ARHGDIB: variants seen among roughly 807,000 people sequenced by gnomAD.
ARHGDIB encodes the protein rho GDP-dissociation inhibitor 2.
ARHGDIB carries 20 observed loss-of-function variants against 22.6 expected under a neutral mutation model. The ratio of observed to expected loss-of-function variants is 0.88; its 90% CI spans 0.62 to 1.28. The LOEUF is 1.28. Ranked by LOEUF, ARHGDIB falls within the 50% of genes most tolerant of loss-of-function variation. The pLI is 0.00. For synonymous variants in ARHGDIB, 114 were observed against 96.1 expected (o/e 1.19, Z -1.09); for missense variants, 254 against 245.4 (o/e 1.04, Z -0.23).
intron 4 of ARHGDIB, among the ~76,000 whole-genome samples, chr12:14,947,307 T>C (rs1219210460): frequency 6.6e-6 from 1 of 152,226 alleles, no homozygotes; most frequent in Non-Finnish European, 1.5e-5. Flanking sequence ...TCCTCTTTCC[T>C]GGTTACCTGT....
chr12:14,943,377 G>GTTTTTTTTTTTTTTTT (rs10713403), intron 5 of ARHGDIB, among the ~76,000 whole-genome samples: 9 of 143,886 alleles, frequency 6.3e-5, no homozygotes, highest in African/African-American at 2.3e-4. Flanking sequence ...GATTAAGCCT[G>GTTTTTTTTTTTTTTTT]TTTTTTTTTT....
intron 1 of ARHGDIB, 124 bp from the exon 2 acceptor site, chr12:14,950,848 G>T: frequency 2.9e-6 from 2 of 697,536 alleles, no homozygotes; most frequent in Non-Finnish European, 4.5e-6. Context: ...TTTCCTGATT[G>T]TTTTCCTAAT....
intron 5 of ARHGDIB, 79 bp downstream of exon 5, chr12:14,944,697 C>A: frequency 7.2e-7 from 1 of 1,393,454 alleles, no homozygotes; most frequent in Non-Finnish European, 1.0e-6. Context: ...GAGTCTATAG[C>A]TAAAAGTTGC....
At position 14,944,850 on chromosome 12, in the gene ARHGDIB, G is replaced by A; in HGVS notation, c.343-11C>T. The stretch of plus-strand genomic sequence containing the variant: ...AATATCCCTGTTCACCTGCAGGTGG[G>A]AAGGAACCAAGATGTTCAGATTAAG... On this transcript the variant is annotated splice_polypyrimidine_tract_variant and intron_variant, in intron 4 of 5. Coordinates refer to ENST00000228945, the MANE Select transcript of ARHGDIB (RefSeq NM_001175.7). 1 of 1,612,364 alleles carries A rather than the reference G, an allele frequency of 6.2e-7. No individual in the cohort carries two copies. The highest frequency in any genetic ancestry group is 8.5e-7 in the Non-Finnish European group (1 of 1,178,948).
At position 14,942,605 on chromosome 12, in the gene ARHGDIB, T is replaced by C. The variant is rs1863892540; in HGVS notation, c.523A>G (p.Lys175Glu). Residue 175 changes from lysine to glutamate, a missense_variant, in exon 6 of 6, where the codon AAG (lysine) becomes GAG (glutamate). Lys to Glu is a moderately conservative substitution (Grantham distance 56). Coordinates refer to ENST00000228945, the MANE Select transcript of ARHGDIB (RefSeq NM_001175.7). ...TTGTCATCGTCGGTGAAGAAGGACTTGTTGTGGTACGTGCCTCGCGCCAGC... is the reference window on the plus strand; with the variant it reads ...TTGTCATCGTCGGTGAAGAAGGACTCGTTGTGGTACGTGCCTCGCGCCAGC... ...GMLARGTYHN[K>E]SFFTDDDKQD... 6.2e-7 allele frequency: 1 copy of C among 1,614,066 alleles called. No homozygotes were observed. The highest frequency in any genetic ancestry group is 1.7e-5 in the Admixed American group (1 of 60,012).
In ARHGDIB at chr12:14,947,917, C is replaced by T; in HGVS notation, c.298G>A (p.Val100Met). Residue 100 changes from valine to methionine, a missense_variant, in exon 4 of 6, where the codon GTG (valine) becomes ATG (methionine). Coordinates refer to ENST00000228945, the MANE Select transcript of ARHGDIB (RefSeq NM_001175.7). Reference sequence around the variant, plus strand: ...CTATATTCAGAACCTTCCTTTAACACAATGGTTTCCTTTTTGAGGGCTTCC... The same window carrying T: ...CTATATTCAGAACCTTCCTTTAACATAATGGTTTCCTTTTTGAGGGCTTCC... Reference protein sequence around the residue: ...DLEALKKETIVLKEGSEYRVK... With the variant: ...DLEALKKETIMLKEGSEYRVK... 1 of 1,613,324 alleles carries T rather than the reference C, an allele frequency of 6.2e-7. No individual in the cohort carries two copies. Among genetic ancestry groups the T allele is most frequent in the Non-Finnish European group, 8.5e-7 (1 of 1,179,276 alleles).
At chr12:14,943,190 T>A (rs1045577407) in intron 5 of ARHGDIB, among the ~76,000 whole-genome samples, 4 of 152,132 alleles carry the variant, frequency 2.6e-5, no homozygotes, top group African/African-American at 9.7e-5. Flanking sequence ...TTTAAAAAAA[T>A]TATTCTTTAA....
chr12:14,944,516 TCTC>T (rs1481632285), intron 5 of ARHGDIB, among the ~76,000 whole-genome samples: 3 of 152,174 alleles, frequency 2.0e-5, no homozygotes, highest in African/African-American at 7.2e-5. Flanking sequence ...TGGTTACTCT[TCTC>T]CTTTACGAGT....
At chr12:14,959,559 A>T (rs543263653) in intron 1 of ARHGDIB, among the ~76,000 whole-genome samples, 1 of 152,200 alleles carries the variant, frequency 6.6e-6, no homozygotes, top group Admixed American at 6.5e-5. Flanking sequence ...TTCTATCTGC[A>T]TAATTTCGAC....
Position 14,944,441 on chromosome 12 carries a change from C to T in ARHGDIB, c.406+335G>A, listed in dbSNP as rs186842475. Reference sequence around the variant, plus strand: ...GACACTTGGGTTTTGTACCTGTGAACTGCCTTTTTTGGTTGTTTACTTTGT... The same window carrying T: ...GACACTTGGGTTTTGTACCTGTGAATTGCCTTTTTTGGTTGTTTACTTTGT... On this transcript the variant is annotated intron_variant, in intron 5 of 5. Coordinates refer to ENST00000228945, the MANE Select transcript of ARHGDIB (RefSeq NM_001175.7). Among the ~76,000 whole-genome samples the T allele has an allele frequency of 6.8e-4, 103 of 151,392 alleles. 1 individual carries two copies. The highest frequency in any genetic ancestry group is 2.2e-3 in the East Asian group (11 of 5,092).
chr12:14,960,975 G>A (rs1474652572), intron 1 of ARHGDIB, among the ~76,000 whole-genome samples: 1 of 152,172 alleles, frequency 6.6e-6, no homozygotes, highest in Non-Finnish European at 1.5e-5. Flanking sequence ...TCTAAGGGAG[G>A]ATTTCATTAT....
At chr12:14,954,010 ACT>A (rs1864244605) in intron 1 of ARHGDIB, among the ~76,000 whole-genome samples, 1 of 137,666 alleles carries the variant, frequency 7.3e-6, no homozygotes, top group South Asian at 2.2e-4. Context: ...GCATAGTTTT[ACT>A]CTGTCACCCA....
chr12:14,952,277 C>CAAAAAAAA (rs3084566), intron 1 of ARHGDIB, among the ~76,000 whole-genome samples: 2 of 127,298 alleles, frequency 1.6e-5, no homozygotes, highest in African/African-American at 2.9e-5. Flanking sequence ...TTAATGGAAC[C>CAAAAAAAA]AAAAAAAAAA....
rs1491009749 is a variant in ARHGDIB at position 14,943,390 on chromosome 12, TTG to T, written c.407-671_407-670del. On this transcript the variant is annotated intron_variant, in intron 5 of 5. Coordinates refer to ENST00000228945, the MANE Select transcript of ARHGDIB (RefSeq NM_001175.7). ...GGGATTAAGCCTGTTTTTTTTTTTT[TTG>T]TTGTTGTTGTTGTTTTTTTTATGGA... Among the ~76,000 whole-genome samples the T allele has an allele frequency of 7.5e-3, 584 of 77,926 alleles. 7 individuals carry two copies. The highest frequency in any genetic ancestry group is 0.017 in the Admixed American group (144 of 8,410). The allele number at this position is 77,926 out of a possible 152,430, so 51.1% of individuals were successfully genotyped here.
At chr12:14,946,104 G>A (rs1864007849) in intron 4 of ARHGDIB, among the ~76,000 whole-genome samples, 1 of 152,122 alleles carries the variant, frequency 6.6e-6, no homozygotes, top group East Asian at 1.9e-4. Context: ...ATACATTTGG[G>A]GTGGGTGAAA....
rs1864123365 is a variant in ARHGDIB, at chr12:14,949,792, G to A, written c.265+10C>T. On this transcript the variant is annotated intron_variant, in intron 3 of 5. Transcript: ENST00000228945. ...GGCCCCCTTTGAACAGTACAGATGTGTCTACATACCAGTAAGGTCCATGGT... is the reference window on the plus strand; with the variant it reads ...GGCCCCCTTTGAACAGTACAGATGTATCTACATACCAGTAAGGTCCATGGT... 1.2e-6 allele frequency: 2 copies of A among 1,612,800 alleles called. No homozygotes were observed. The highest frequency in any genetic ancestry group is 1.7e-6 in the Non-Finnish European group (2 of 1,179,066).
chr12:14,945,525 C>T (rs1303354076), intron 4 of ARHGDIB, among the ~76,000 whole-genome samples: 3 of 152,248 alleles, frequency 2.0e-5, no homozygotes, highest in Non-Finnish European at 4.4e-5. Context: ...TTCCATGATT[C>T]ATTTCACCTG....
intron 1 of ARHGDIB, chr12:14,951,017 C>A (rs1316815686): frequency 5.0e-6 from 1 of 199,664 alleles, no homozygotes; most frequent in Non-Finnish European, 1.0e-5. Context: ...ACGAGTGAAG[C>A]AACATGGCAC....
At chr12:14,952,114 A>G (rs1181616693) in intron 1 of ARHGDIB, among the ~76,000 whole-genome samples, 2 of 152,178 alleles carry the variant, frequency 1.3e-5, no homozygotes, top group Non-Finnish European at 1.5e-5. Flanking sequence ...TGTCTGTCAC[A>G]TCACATCCTG....
Sources: allele counts gnomAD v4.1 joint callset (sites outside exome capture counted in the v4.1 genomes callset), GRCh38; gene constraint gnomAD v4.1.1; transcripts MANE v1.5; gene names NCBI Gene and HGNC (gene_info 2026-07-23, HGNC 2026-07-21).